The following SLC24A3 variants were observed in gnomAD, a reference collection of about 807,000 sequenced individuals.
SLC24A3 encodes the protein sodium/potassium/calcium exchanger 3.
In SLC24A3, 28 loss-of-function variants were observed where a neutral mutation model predicts 75.8. The ratio of observed to expected loss-of-function variants is 0.37; its 90% CI spans 0.27 to 0.51. The LOEUF (loss-of-function observed/expected upper bound fraction) is 0.51, where lower values mean the gene tolerates loss of function less well. Among genes scored for constraint, SLC24A3 ranks in the 20% least tolerant of loss-of-function variants. SLC24A3 has a pLI of 0.94. For synonymous variants in SLC24A3, 372 were observed against 334.1 expected (o/e 1.11, Z -1.24); for missense variants, 663 against 847.8 (o/e 0.78, Z 2.71).
chr20:19,490,112 ATTGGCCATCAGAACTG>A (rs1988188137), intron 2 of SLC24A3, among the ~76,000 whole-genome samples: 1 of 152,154 alleles, frequency 6.6e-6, no homozygotes, highest in Non-Finnish European at 1.5e-5. Context: ...TGATGGCCAG[ATTGGCCATCAGAACTG>A]TTGCCAGTTC....
intron 2 of SLC24A3, among the ~76,000 whole-genome samples, chr20:19,469,941 G>C (rs930731529): frequency 2.0e-5 from 3 of 152,176 alleles, no homozygotes; most frequent in African/African-American, 7.2e-5. Flanking sequence ...TTCATACTAA[G>C]GTAGGGAGTC....
At chr20:19,514,030 T>C (rs547472336) in intron 2 of SLC24A3, among the ~76,000 whole-genome samples, 39 of 152,372 alleles carry the variant, frequency 2.6e-4, no homozygotes, top group African/African-American at 8.9e-4. Flanking sequence ...CTTTATGTAC[T>C]AGACGTACCC....
chr20:19,435,493 A>G (rs1987182794), intron 2 of SLC24A3, among the ~76,000 whole-genome samples: 1 of 152,230 alleles, frequency 6.6e-6, no homozygotes, highest in African/African-American at 2.4e-5. Context: ...TCTGCCCACT[A>G]AAATGTTAGG....
intron 1 of SLC24A3, among the ~76,000 whole-genome samples, chr20:19,276,881 C>A (rs1600406720): frequency 6.6e-6 from 1 of 151,830 alleles, no homozygotes; most frequent in East Asian, 1.9e-4. Context: ...GCAACAGAGC[C>A]AGACCATGTC....
At chr20:19,312,256 A>C (rs1984474422) in intron 2 of SLC24A3, among the ~76,000 whole-genome samples, 1 of 152,172 alleles carries the variant, frequency 6.6e-6, no homozygotes, top group African/African-American at 2.4e-5. Context: ...CATGTAGGGA[A>C]AGTATAGGTG....
chr20:19,502,455 G>T (rs1377109416), intron 2 of SLC24A3, among the ~76,000 whole-genome samples: 1 of 152,032 alleles, frequency 6.6e-6, no homozygotes, highest in Admixed American at 6.6e-5. Flanking sequence ...AAGTTAAAGG[G>T]GCTTGATAAA....
intron 8 of SLC24A3, among the ~76,000 whole-genome samples, chr20:19,671,140 A>T (rs1265647945): frequency 6.6e-6 from 1 of 152,192 alleles, no homozygotes; most frequent in Non-Finnish European, 1.5e-5. Context: ...GGAGGAGGTG[A>T]TATTTAAAAG....
intron 2 of SLC24A3, among the ~76,000 whole-genome samples, chr20:19,347,775 G>C (rs972050646): frequency 6.6e-6 from 1 of 152,200 alleles, no homozygotes; most frequent in Admixed American, 6.5e-5. Flanking sequence ...TGGTCACTCT[G>C]TGTTTGAGTC....
chr20:19,628,063 G>C (rs2031886891), intron 6 of SLC24A3, among the ~76,000 whole-genome samples: 1 of 151,448 alleles, frequency 6.6e-6, no homozygotes, highest in South Asian at 2.1e-4. Flanking sequence ...AATTAGCCAG[G>C]CATGGTGGGG....
intron 1 of SLC24A3, among the ~76,000 whole-genome samples, chr20:19,276,652 CCCA>C (rs1983496476): frequency 6.6e-6 from 1 of 152,106 alleles, no homozygotes; most frequent in Non-Finnish European, 1.5e-5. Flanking sequence ...TGCGTATAAT[CCCA>C]GCACTTTAGG....
chr20:19,257,447 A>G (rs1223926195), intron 1 of SLC24A3, among the ~76,000 whole-genome samples: 1 of 152,162 alleles, frequency 6.6e-6, no homozygotes, highest in Non-Finnish European at 1.5e-5. Flanking sequence ...GGTTTCTCAT[A>G]TCTTTATGGT....
intron 1 of SLC24A3, among the ~76,000 whole-genome samples, chr20:19,234,106 C>T (rs1982100902): frequency 6.6e-6 from 1 of 152,138 alleles, no homozygotes; most frequent in Non-Finnish European, 1.5e-5. Context: ...TTTCACAGAG[C>T]CATTGAGATT....
At chr20:19,286,864 G>A (rs1400572739) in intron 2 of SLC24A3, among the ~76,000 whole-genome samples, 1 of 152,210 alleles carries the variant, frequency 6.6e-6, no homozygotes, top group Non-Finnish European at 1.5e-5. Context: ...TTATTGCTGG[G>A]TTTGAACCCA....
intron 1 of SLC24A3, among the ~76,000 whole-genome samples, chr20:19,222,966 T>C (rs79695884): frequency 2.4e-4 from 36 of 152,126 alleles, no homozygotes; most frequent in Admixed American, 2.4e-3. Context: ...AAAAATTTTT[T>C]AGAGAATTTC....
At chr20:19,386,963 C>G (rs1986282931) in intron 2 of SLC24A3, among the ~76,000 whole-genome samples, 1 of 152,134 alleles carries the variant, frequency 6.6e-6, no homozygotes, top group Non-Finnish European at 1.5e-5. Flanking sequence ...ACCCATGAAG[C>G]TACCTGGATC....
intron 7 of SLC24A3, among the ~76,000 whole-genome samples, chr20:19,655,631 C>T (rs1230408316): frequency 6.6e-6 from 1 of 152,134 alleles, no homozygotes; most frequent in African/African-American, 2.4e-5. Flanking sequence ...GAGCATGATT[C>T]AATTCACTGA....
At chr20:19,658,371 G>A (rs1412949634) in intron 7 of SLC24A3, among the ~76,000 whole-genome samples, 1 of 152,218 alleles carries the variant, frequency 6.6e-6, no homozygotes, top group African/African-American at 2.4e-5. Flanking sequence ...CAAAACCACA[G>A]GAGCAGGAAG....
chr20:19,238,175 C>A (rs1233568109), intron 1 of SLC24A3, among the ~76,000 whole-genome samples: 3 of 149,110 alleles, frequency 2.0e-5, no homozygotes, highest in Non-Finnish European at 4.4e-5. Context: ...TTCCGAGTCA[C>A]CCCCCACAAG....
chr20:19,562,902 G>T (rs552673455), intron 3 of SLC24A3, among the ~76,000 whole-genome samples: 22 of 152,284 alleles, frequency 1.4e-4, no homozygotes, highest in Non-Finnish European at 3.1e-4. Context: ...ATAGGATACA[G>T]TATAGAGAGG....
Sources: gnomAD v4.1 joint callset for allele counts (sites outside exome capture counted in the v4.1 genomes callset) on GRCh38, gnomAD v4.1.1 for gene constraint, MANE v1.5 for transcripts, NCBI Gene and HGNC (gene_info 2026-07-23, HGNC 2026-07-21) for gene names.